EIF4ENIF1: variants seen among roughly 807,000 people sequenced by gnomAD.
EIF4ENIF1 encodes eukaryotic translation initiation factor 4E transporter.
In EIF4ENIF1, 23 loss-of-function variants were observed where a neutral mutation model predicts 110.5. The ratio of observed to expected loss-of-function variants is 0.21; its 90% CI spans 0.15 to 0.29. The LOEUF (loss-of-function observed/expected upper bound fraction) is 0.29. Ranked by LOEUF, EIF4ENIF1 falls within the 10% of genes least tolerant of loss-of-function variation. EIF4ENIF1 has a pLI of 1.00. For missense variants in EIF4ENIF1, 1,031 were observed against 1,221.1 expected, an observed-to-expected ratio of 0.84 and a Z score of 2.32; for synonymous variants, 440 against 437.0, an observed-to-expected ratio of 1.01 and a Z score of -0.09.
At chr22:31,454,098 G>GAA in intron 10 of EIF4ENIF1, 46 bp downstream of exon 10, 1 of 1,508,922 alleles carries the variant, frequency 6.6e-7, no homozygotes, top group Non-Finnish European at 9.1e-7. Context: ...GGAAAAAGAA[G>GAA]AAAAAAAAAG....
chr22:31,444,538 G>T, intron 15 of EIF4ENIF1, 68 bp downstream of exon 15: 1 of 1,468,760 alleles, frequency 6.8e-7, no homozygotes, highest in Non-Finnish European at 9.5e-7. Flanking sequence ...GCACACAGTG[G>T]TACAATCCAT....
intron 2 of EIF4ENIF1, 144 bp downstream of exon 2, chr22:31,488,479 T>C (rs2052128531): frequency 7.8e-7 from 1 of 1,284,688 alleles, no homozygotes. Context: ...ATGTTCAAAG[T>C]AATGCACTAC....
chr22:31,458,647 A>C lies in EIF4ENIF1; in HGVS notation c.791T>G (p.Ile264Arg), dbSNP rs1253414825. The C allele has an allele frequency of 7.6e-6, 12 of 1,578,780 alleles. No individual in the cohort carries two copies. The highest frequency in any genetic ancestry group is 2.3e-5 in the East Asian group (1 of 44,078). The change falls in exon 7 of 19, where the codon ATA (isoleucine) becomes AGA (arginine). Residue 264 changes from isoleucine (I) to arginine (R), a missense_variant. Transcript: ENST00000330125. The stretch of plus-strand genomic sequence containing the variant: ...GGCCACTCCTCCATTGCACTCTACT[A>C]TACCTGAAAGCAAAACCAGGACAAA... ...RRRTASVKEG[I>R]VECNGGVAEE...
chr22:31,470,076 A>C (rs1328245044), intron 3 of EIF4ENIF1, among the ~76,000 whole-genome samples: 1 of 149,718 alleles, frequency 6.7e-6, no homozygotes, highest in Admixed American at 6.7e-5. Context: ...AGGCAGGAGA[A>C]TCGCTTGAAC....
upstream of EIF4ENIF1, among the ~76,000 whole-genome samples, chr22:31,491,641 C>T (rs1366072216): frequency 6.6e-6 from 1 of 152,198 alleles, no homozygotes; most frequent in African/African-American, 2.4e-5. Context: ...ACAATCATAG[C>T]TCACTGCTCC....
In EIF4ENIF1 at chr22:31,454,143, C is replaced by T; in HGVS notation, c.1512+1G>A. 1.2e-6 allele frequency: 2 copies of T among 1,613,688 alleles called. No individual in the cohort carries two copies. The highest frequency in any genetic ancestry group is 8.5e-7 in the Non-Finnish European group (1 of 1,179,650). Reference sequence around the variant, plus strand: ...GTGGGGGGTTTGTGTCAGATACTTACGCTGACTTTGGGCTGAGAAGGCAAA... The same window carrying T: ...GTGGGGGGTTTGTGTCAGATACTTATGCTGACTTTGGGCTGAGAAGGCAAA... On this transcript the variant is annotated splice_donor_variant, in intron 10 of 18. Coordinates refer to ENST00000330125, the MANE Select transcript of EIF4ENIF1 (RefSeq NM_019843.4). LOFTEE classifies it high-confidence loss of function.
intron 4 of EIF4ENIF1, among the ~76,000 whole-genome samples, chr22:31,466,403 ACT>A (rs1424949225): frequency 8.6e-6 from 1 of 116,490 alleles, no homozygotes; most frequent in African/African-American, 3.4e-5. Context: ...ACAGAGCAAG[ACT>A]CTGTCTCGGT....
intron 6 of EIF4ENIF1, among the ~76,000 whole-genome samples, chr22:31,458,916 G>T (rs2050908922): frequency 1.3e-5 from 2 of 149,578 alleles, no homozygotes; most frequent in South Asian, 4.2e-4. Flanking sequence ...TTCTATAGTG[G>T]AGGGGGGTCT....
At chr22:31,489,483 C>T (rs1764252300) in intron 1 of EIF4ENIF1, 1 of 150,540 alleles carries the variant, frequency 6.6e-6, no homozygotes, top group Admixed American at 6.6e-5. Flanking sequence ...GCCGTCCTCC[C>T]CGGCCCGGCG....
At chr22:31,490,287 C>T (rs1156865433), upstream of EIF4ENIF1, among the ~76,000 whole-genome samples, 1 of 152,234 alleles carries the variant, frequency 6.6e-6, no homozygotes, top group Non-Finnish European at 1.5e-5. Flanking sequence ...TTCGCATAGG[C>T]AGAGAACCGT....
chr22:31,471,829 G>A lies in EIF4ENIF1; in HGVS notation c.170+15C>T. The A allele has an allele frequency of 6.3e-7, 1 of 1,590,784 alleles. No individual in the cohort carries two copies. The highest frequency in any genetic ancestry group is 2.3e-5 in the East Asian group (1 of 43,898). ...ATTGACTAGAAGTAGTTAAGGACTA[G>A]AATGACACACATACCTGTCATATTT... On this transcript the variant is annotated intron_variant, in intron 3 of 18. Coordinates refer to ENST00000330125, the MANE Select transcript of EIF4ENIF1 (RefSeq NM_019843.4).
At position 31,444,316 on chromosome 22, in the gene EIF4ENIF1, T is replaced by C. The variant is rs2050394887; in HGVS notation, c.2073+290A>G. 2.7e-5 allele frequency: 8 copies of C among 296,340 alleles called. No individual in the cohort carries two copies. In the South Asian group the frequency reaches 3.0e-4, roughly 11 times the overall value. The allele number at this position is 296,340 out of a possible 1,614,324, so 18.4% of individuals were successfully genotyped here. On this transcript the variant is annotated intron_variant, in intron 15 of 18. Transcript: ENST00000330125. ...TGTCTCTCACTATCGTCCTCCTGTC[T>C]CCCCACACCTGGTTCATTTCTTTGA... is the stretch of plus-strand genomic sequence containing the variant.
intron 7 of EIF4ENIF1, among the ~76,000 whole-genome samples, chr22:31,456,544 T>G (rs957246638): frequency 6.6e-6 from 1 of 151,894 alleles, no homozygotes; most frequent in African/African-American, 2.4e-5. Context: ...TAAGACAGTC[T>G]CGCTCTGTTG....
chr22:31,488,794 A>C (rs1601670086), intron 1 of EIF4ENIF1, 49 bp from the exon 2 acceptor site: 1 of 1,543,274 alleles, frequency 6.5e-7, no homozygotes, highest in Admixed American at 2.2e-5. Flanking sequence ...GTAAGTTTTC[A>C]GAAATCTTGG....
intron 10 of EIF4ENIF1, among the ~76,000 whole-genome samples, chr22:31,451,470 T>A (rs2050672600): frequency 6.6e-6 from 1 of 151,674 alleles, no homozygotes; most frequent in Admixed American, 6.6e-5. Flanking sequence ...GAGACGGGGT[T>A]TCACCATGTT....
At chr22:31,478,589 G>A (rs1242117514) in intron 2 of EIF4ENIF1, among the ~76,000 whole-genome samples, 3 of 151,068 alleles carry the variant, frequency 2.0e-5, no homozygotes, top group Non-Finnish European at 4.4e-5. Context: ...AGGCCAAGGC[G>A]GGCGGATCAC....
At chr22:31,456,083 T>C (rs2050802176) in intron 7 of EIF4ENIF1, 96 bp from the exon 8 acceptor site, 2 of 1,266,574 alleles carry the variant, frequency 1.6e-6, no homozygotes, top group Non-Finnish European at 2.2e-6. Context: ...GAAACTTCCT[T>C]TCATGCTCGT....
At position 31,440,119 on chromosome 22, in the gene EIF4ENIF1, G is replaced by C; in HGVS notation, c.2719C>G (p.Leu907Val). 6.2e-7 allele frequency: 1 copy of C among 1,614,158 alleles called. No individual in the cohort carries two copies. ...MVQQQLQRSV[L>V]HPPGSGSHAA... is the part of the protein sequence containing the mutation. ...TGGGAACCAGAGCCTGGAGGATGCA[G>C]AACTGTGGAGATAAGAAGGGTTATC... The change falls in exon 19 of 19, where the codon CTG becomes GTG. Residue 907 changes from leucine (L) to valine (V), a missense_variant and splice_region_variant. Around this residue, in one of 3 missense-constraint regions of EIF4ENIF1, gnomAD observed 309 missense variants for 299.1 expected, o/e 1.03. Coordinates refer to ENST00000330125, the MANE Select transcript of EIF4ENIF1 (RefSeq NM_019843.4).
At chr22:31,442,734 T>C (rs562783705) in intron 16 of EIF4ENIF1, among the ~76,000 whole-genome samples, 2 of 152,330 alleles carry the variant, frequency 1.3e-5, no homozygotes, top group South Asian at 2.1e-4. Flanking sequence ...ACCCGTCTGG[T>C]AGTAGCACTC....
Sources: gnomAD v4.1 joint callset for allele counts (sites outside exome capture counted in the v4.1 genomes callset) on GRCh38, gnomAD v4.1.1 for gene constraint, gnomAD v4.1.1 regional missense constraint, MANE v1.5 for transcripts, NCBI Gene and HGNC (gene_info 2026-07-23, HGNC 2026-07-21) for gene names.